Variants in HCN1 observed in about 807,000 individuals in gnomAD.
HCN1 encodes potassium/sodium hyperpolarization-activated cyclic nucleotide-gated channel 1.
A neutral mutation model predicts 78.9 loss-of-function variants in HCN1; 13 were observed. The observed-to-expected ratio is 0.16, with a 90% CI of 0.11 to 0.26. The LOEUF is 0.26. Ranked by LOEUF, HCN1 falls within the 10% of genes least tolerant of loss-of-function variation. HCN1 has a pLI of 1.00. For missense variants in HCN1, 810 were observed against 1,154.3 expected (o/e 0.70, Z 4.32); for synonymous variants, 552 against 455.5 (o/e 1.21, Z -2.70).
intron 6 of HCN1, among the ~76,000 whole-genome samples, chr5:45,277,812 G>A (rs985880645): frequency 3.3e-5 from 5 of 152,122 alleles, no homozygotes; most frequent in African/African-American, 4.8e-5. Flanking sequence ...GCTTCAATCA[G>A]ACTGTGACTA....
chr5:45,320,226 A>T (rs960850493), intron 5 of HCN1, among the ~76,000 whole-genome samples: 3 of 151,838 alleles, frequency 2.0e-5, no homozygotes, highest in African/African-American at 7.2e-5. Context: ...AAACAAATAA[A>T]TATATGGAAG....
chr5:45,360,125 G>T (rs1747081245), intron 4 of HCN1, among the ~76,000 whole-genome samples: 1 of 150,860 alleles, frequency 6.6e-6, no homozygotes, highest in Non-Finnish European at 1.5e-5. Flanking sequence ...AAGCAAACAG[G>T]TTAAAAATCC....
At chr5:45,416,928 C>G (rs1170371197) in intron 3 of HCN1, among the ~76,000 whole-genome samples, 1 of 151,912 alleles carries the variant, frequency 6.6e-6, no homozygotes, top group Non-Finnish European at 1.5e-5. Context: ...GTTTTTAAGT[C>G]TTAGTCTTTT....
chr5:45,307,292 G>A (rs978563894), intron 5 of HCN1, among the ~76,000 whole-genome samples: 1 of 152,028 alleles, frequency 6.6e-6, no homozygotes, highest in South Asian at 2.1e-4. Context: ...ATTCATATAA[G>A]CACTCCTGCC....
intron 1 of HCN1, among the ~76,000 whole-genome samples, chr5:45,670,208 T>G (rs1453775056): frequency 6.6e-6 from 1 of 151,600 alleles, no homozygotes; most frequent in African/African-American, 2.4e-5. Flanking sequence ...AAGGCAAATT[T>G]AGGAACAAAG....
chr5:45,682,134 G>GCACCTTGAT, intron 1 of HCN1, among the ~76,000 whole-genome samples: 1 of 151,894 alleles, frequency 6.6e-6, no homozygotes, highest in Middle Eastern at 3.4e-3. Flanking sequence ...AAATCAACCA[G>GCACCTTGAT]CACCTTGATC....
Position 45,361,406 on chromosome 5 carries a change from C to T in HCN1, c.1231-8160G>A, listed in dbSNP as rs149563301. 4.6e-5 allele frequency among the ~76,000 whole-genome samples: 7 copies of T among 152,156 alleles called. No individual in the cohort carries two copies. In the East Asian group the frequency reaches 1.4e-3, roughly 30 times the overall value. On this transcript the variant is annotated intron_variant, in intron 4 of 7. Coordinates refer to ENST00000303230, the MANE Select transcript of HCN1 (RefSeq NM_021072.4). ...GTCAGACTGGTCACTGCAACCTCAG[C>T]CTCCTGGGTTCTAGTGATTCTCCTG...
chr5:45,307,576 T>C (rs889921374), intron 5 of HCN1, among the ~76,000 whole-genome samples: 4 of 152,036 alleles, frequency 2.6e-5, no homozygotes, highest in Non-Finnish European at 5.9e-5. Context: ...ATTTTAATCA[T>C]GACAAAACCA....
intron 1 of HCN1, among the ~76,000 whole-genome samples, chr5:45,678,211 C>A (rs1229323587): frequency 6.6e-6 from 1 of 151,814 alleles, no homozygotes; most frequent in Non-Finnish European, 1.5e-5. Context: ...GTGAAATATC[C>A]TGCTATCAGA....
At chr5:45,579,694 T>C (rs1216425702) in intron 2 of HCN1, among the ~76,000 whole-genome samples, 1 of 152,056 alleles carries the variant, frequency 6.6e-6, no homozygotes, top group African/African-American at 2.4e-5. Flanking sequence ...TTTTCATAGT[T>C]TGGAGGAAGG....
At chr5:45,515,522 C>T (rs2111766853) in intron 2 of HCN1, among the ~76,000 whole-genome samples, 1 of 152,082 alleles carries the variant, frequency 6.6e-6, no homozygotes, top group Non-Finnish European at 1.5e-5. Context: ...ATGCAAACCA[C>T]TGTCTTAACT....
chr5:45,373,954 TATATA>T (rs1388147728), intron 4 of HCN1, among the ~76,000 whole-genome samples: 4 of 124,608 alleles, frequency 3.2e-5, no homozygotes, highest in Non-Finnish European at 3.3e-5. Flanking sequence ...ATATACATCA[TATATA>T]ATATATTACA....
chr5:45,262,419 G>A lies in HCN1; in HGVS notation c.2175C>T (p.Ser725=), dbSNP rs529847164. The part of the protein sequence containing the change: ...RTFHYASPTA[S]QLSLMQQQPQ... ...GCTGCTGTTGCATGAGTGACAGCTG[G>A]GAGGCGGTGGGGGAGGCATAGTGGA... Residue 725 remains serine (S), a synonymous_variant, in exon 8 of 8, where the codon TCC becomes TCT. Coordinates refer to ENST00000303230, the MANE Select transcript of HCN1 (RefSeq NM_021072.4). The A allele has an allele frequency of 2.5e-6, 4 of 1,611,630 alleles. No homozygotes were observed. The highest frequency in any genetic ancestry group is 2.7e-5 in the African/African-American group (2 of 75,034).
chr5:45,373,611 T>C (rs184842205), intron 4 of HCN1, among the ~76,000 whole-genome samples: 3,900 of 135,384 alleles, frequency 0.029, 161 homozygotes, highest in African/African-American at 0.082. Context: ...ATATACGTCA[T>C]CTATAATATA....
intron 2 of HCN1, among the ~76,000 whole-genome samples, chr5:45,607,141 T>C (rs1477169647): frequency 1.3e-5 from 2 of 151,724 alleles, no homozygotes; most frequent in African/African-American, 4.8e-5. Flanking sequence ...ATATACATCA[T>C]TAAACATGAC....
chr5:45,297,613 A>T (rs550105112), intron 6 of HCN1, among the ~76,000 whole-genome samples: 1 of 152,116 alleles, frequency 6.6e-6, no homozygotes, highest in Non-Finnish European at 1.5e-5. Context: ...AATCCATTCT[A>T]TGAAGTGAGA....
intron 3 of HCN1, among the ~76,000 whole-genome samples, chr5:45,451,333 T>C (rs1303914192): frequency 2.6e-5 from 4 of 152,094 alleles, no homozygotes; most frequent in Admixed American, 2.0e-4. Flanking sequence ...CAGAAAAATA[T>C]AGAGAAATAA....
chr5:45,448,820 AT>A (rs533104662), intron 3 of HCN1, among the ~76,000 whole-genome samples: 12 of 152,200 alleles, frequency 7.9e-5, no homozygotes, highest in Non-Finnish European at 1.3e-4. Context: ...GAGAAGTATA[AT>A]AAAAATTGTT....
At chr5:45,494,785 A>C (rs1579929664) in intron 2 of HCN1, among the ~76,000 whole-genome samples, 1 of 152,350 alleles carries the variant, frequency 6.6e-6, no homozygotes. Flanking sequence ...TCTAAGGTGT[A>C]AGGAAGGGAT....
Sources: gnomAD v4.1 joint callset for allele counts (sites outside exome capture counted in the v4.1 genomes callset) on GRCh38, gnomAD v4.1.1 for gene constraint, MANE v1.5 for transcripts, NCBI Gene and HGNC (gene_info 2026-07-23, HGNC 2026-07-21) for gene names.